GPC6: variants seen among roughly 807,000 people sequenced by gnomAD.
GPC6 encodes glypican 6.
In GPC6, 14 loss-of-function variants were observed where a neutral mutation model predicts 55.2. The ratio of observed to expected loss-of-function variants is 0.25; its 90% CI spans 0.17 to 0.40. The LOEUF (loss-of-function observed/expected upper bound fraction) is 0.40. Ranked by LOEUF, GPC6 falls within the 10% of genes least tolerant of loss-of-function variation. The probability of loss-of-function intolerance (pLI) is 1.00; values close to 1 mark genes in which losing one functional copy is unlikely to be tolerated. For missense variants in GPC6, 641 were observed against 708.5 expected (o/e 0.90, Z 1.08); for synonymous variants, 278 against 259.6 (o/e 1.07, Z -0.68).
chr13:94,010,407 A>C (rs555855935), intron 3 of GPC6, among the ~76,000 whole-genome samples: 2 of 152,280 alleles, frequency 1.3e-5, no homozygotes, highest in East Asian at 3.9e-4. Flanking sequence ...GCTTTTCTCT[A>C]TTAACAAAGT....
intron 4 of GPC6, among the ~76,000 whole-genome samples, chr13:94,119,118 A>G (rs1886536470): frequency 6.6e-6 from 1 of 151,982 alleles, no homozygotes. Context: ...TCTTGTTAAT[A>G]TCCTCATATA....
At chr13:93,530,771 T>G (rs1380798616) in intron 1 of GPC6, among the ~76,000 whole-genome samples, 1 of 152,208 alleles carries the variant, frequency 6.6e-6, no homozygotes, top group Non-Finnish European at 1.5e-5. Context: ...GTTATACTCT[T>G]GATATCTGTC....
chr13:93,593,902 G>A (rs1877604317), intron 2 of GPC6, among the ~76,000 whole-genome samples: 1 of 151,946 alleles, frequency 6.6e-6, no homozygotes. Flanking sequence ...GTTATTTTGG[G>A]AGTATGCTGA....
chr13:93,589,412 C>G (rs911992108), intron 2 of GPC6, among the ~76,000 whole-genome samples: 1 of 152,208 alleles, frequency 6.6e-6, no homozygotes, highest in African/African-American at 2.4e-5. Flanking sequence ...TCCATTAACT[C>G]TTCCCATTAA....
chr13:93,898,942 T>TATAA (rs1455199230), intron 3 of GPC6, among the ~76,000 whole-genome samples: 2 of 71,966 alleles, frequency 2.8e-5, no homozygotes, highest in East Asian at 4.9e-4. Flanking sequence ...TATATATAAA[T>TATAA]ATATATATAT....
chr13:94,116,674 G>A (rs766128969), intron 4 of GPC6, among the ~76,000 whole-genome samples: 2 of 151,940 alleles, frequency 1.3e-5, no homozygotes, highest in Non-Finnish European at 2.9e-5. Flanking sequence ...TCACATTAGC[G>A]CTTACGTTTG....
intron 1 of GPC6, among the ~76,000 whole-genome samples, chr13:93,429,662 C>T (rs1877282020): frequency 6.6e-6 from 1 of 152,072 alleles, no homozygotes; most frequent in South Asian, 2.1e-4. Flanking sequence ...GCTGTATTGG[C>T]ATCTGATATG....
In GPC6 at chr13:94,206,563, G is replaced by A. The variant is rs529405824; in HGVS notation, c.878-79786G>A. The stretch of plus-strand genomic sequence containing the variant: ...CACGGCTAGCTAATTCCTAAAAATA[G>A]CAAATAAGAGCCAGGCACGGCAGCT... On this transcript the variant is annotated intron_variant, in intron 4 of 8. Transcript: ENST00000377047. 2.6e-5 allele frequency among the ~76,000 whole-genome samples: 4 copies of A among 152,198 alleles called. No homozygotes were observed. The South Asian group carries it at 8.3e-4, about 32-fold the overall frequency.
intron 4 of GPC6, among the ~76,000 whole-genome samples, chr13:94,286,091 T>C (rs545993206): frequency 5.3e-5 from 8 of 152,336 alleles, no homozygotes; most frequent in Admixed American, 3.9e-4. Context: ...TCATTAGATA[T>C]ATTTAACATT....
chr13:93,424,235 C>T (rs1168157949), intron 1 of GPC6, among the ~76,000 whole-genome samples: 4 of 152,104 alleles, frequency 2.6e-5, no homozygotes, highest in Non-Finnish European at 4.4e-5. Context: ...CTGAGGCCAT[C>T]TGCCTCTGTG....
At chr13:93,666,535 AGCACAGT>A (rs1404004583) in intron 2 of GPC6, among the ~76,000 whole-genome samples, 1 of 152,210 alleles carries the variant, frequency 6.6e-6, no homozygotes, top group Non-Finnish European at 1.5e-5. Context: ...TAAAGCATCT[AGCACAGT>A]GCCTCATAGA....
chr13:94,178,637 A>G (rs1157877469), intron 4 of GPC6, among the ~76,000 whole-genome samples: 2 of 152,194 alleles, frequency 1.3e-5, no homozygotes, highest in Non-Finnish European at 2.9e-5. Context: ...TGAAAATGCA[A>G]ATCATTAAAG....
chr13:94,131,851 T>C (rs749591263), intron 4 of GPC6, among the ~76,000 whole-genome samples: 22 of 152,080 alleles, frequency 1.4e-4, no homozygotes, highest in Non-Finnish European at 2.6e-4. Flanking sequence ...AATGAAAGGG[T>C]TTTAAAAATA....
At chr13:94,384,485 C>T (rs960294241) in intron 7 of GPC6, among the ~76,000 whole-genome samples, 3 of 152,160 alleles carry the variant, frequency 2.0e-5, no homozygotes, top group Non-Finnish European at 2.9e-5. Flanking sequence ...AACTGCTATT[C>T]CCACAGATTG....
At chr13:93,642,262 G>T (rs1236388975) in intron 2 of GPC6, among the ~76,000 whole-genome samples, 2 of 152,024 alleles carry the variant, frequency 1.3e-5, no homozygotes, top group Admixed American at 1.3e-4. Flanking sequence ...TTCTGTTTCT[G>T]CACTAGTTCA....
chr13:93,795,558 C>G (rs1012683864), intron 2 of GPC6, among the ~76,000 whole-genome samples: 1 of 152,056 alleles, frequency 6.6e-6, no homozygotes, highest in South Asian at 2.1e-4. Context: ...AAAGTAAGGA[C>G]TAAACAAATT....
chr13:93,652,326 C>T (rs952881449), intron 2 of GPC6, among the ~76,000 whole-genome samples: 2 of 152,084 alleles, frequency 1.3e-5, no homozygotes, highest in African/African-American at 2.4e-5. Flanking sequence ...TATTATCTCA[C>T]TCTAGTCTCC....
chr13:93,816,700 T>G (rs1281149059), intron 2 of GPC6, among the ~76,000 whole-genome samples: 1 of 152,034 alleles, frequency 6.6e-6, no homozygotes, highest in Non-Finnish European at 1.5e-5. Context: ...CAAATGTTAA[T>G]TTTGGAAAAT....
intron 3 of GPC6, among the ~76,000 whole-genome samples, chr13:93,950,209 T>C (rs947941096): frequency 6.6e-6 from 1 of 152,188 alleles, no homozygotes; most frequent in Non-Finnish European, 1.5e-5. Flanking sequence ...AATAAGTAGA[T>C]GATACTTAAG....
Sources: gnomAD v4.1 joint callset for allele counts (sites outside exome capture counted in the v4.1 genomes callset) on GRCh38, gnomAD v4.1.1 for gene constraint, MANE v1.5 for transcripts, NCBI Gene and HGNC (gene_info 2026-07-23, HGNC 2026-07-21) for gene names.